The following SORCS1 variants were observed in gnomAD, a reference collection of about 807,000 sequenced individuals.
The protein encoded by SORCS1 is sortilin related VPS10 domain containing receptor 1, also known as VPS10 domain-containing receptor SorCS1.
Under a neutral mutation model 146.1 loss-of-function variants are expected in SORCS1, and 60 were observed. The observed-to-expected ratio is 0.41, with a 90% confidence interval of 0.33 to 0.51. The LOEUF (loss-of-function observed/expected upper bound fraction) is 0.51. Among genes scored for constraint, SORCS1 ranks in the 20% least tolerant of loss-of-function variants. SORCS1 has a pLI of 0.21. For missense variants in SORCS1, 1,352 were observed against 1,487.6 expected (o/e 0.91, Z 1.50); for synonymous variants, 637 against 584.0 (o/e 1.09, Z -1.31).
chr10:107,023,032 G>C (rs1958216160), intron 1 of SORCS1, among the ~76,000 whole-genome samples: 1 of 152,178 alleles, frequency 6.6e-6, no homozygotes. Flanking sequence ...GACGATAAGT[G>C]GTCAGTCCAA....
intron 19 of SORCS1, among the ~76,000 whole-genome samples, chr10:106,624,898 C>T (rs1457150213): frequency 6.6e-6 from 1 of 152,232 alleles, no homozygotes; most frequent in Non-Finnish European, 1.5e-5. Context: ...CTGTTAATCA[C>T]AGAGGGTGCA....
At chr10:106,976,666 G>T (rs962715540) in intron 1 of SORCS1, among the ~76,000 whole-genome samples, 3 of 152,114 alleles carry the variant, frequency 2.0e-5, no homozygotes, top group Admixed American at 6.6e-5. Context: ...CATGCATTAG[G>T]TATTTGTCCT....
At chr10:107,154,894 T>C (rs192794515) in intron 1 of SORCS1, among the ~76,000 whole-genome samples, 110 of 152,300 alleles carry the variant, frequency 7.2e-4, no homozygotes, top group Non-Finnish European at 1.2e-3. Flanking sequence ...CAAGCCACCA[T>C]ATAAGAAATA....
intron 10 of SORCS1, among the ~76,000 whole-genome samples, chr10:106,684,112 G>A (rs1852640108): frequency 6.6e-6 from 1 of 152,146 alleles, no homozygotes; most frequent in South Asian, 2.1e-4. Context: ...AAGGTAGGTG[G>A]ATCATGAGGT....
rs536817518 is a variant in SORCS1, at chr10:106,943,813, A to AAATT, written c.626+12696_626+12699dup. Reference sequence around the variant, plus strand: ...CAACAGAGTGAGACTCCATCTCAAAAAATTAATTAATTAATTAATTGTCTC... The same window carrying AAATT: ...CAACAGAGTGAGACTCCATCTCAAAAAATTAATTAATTAATTAATTAATTGTCTC... On this transcript the variant is annotated intron_variant, in intron 2 of 25. Transcript: ENST00000263054. 1.0e-3 allele frequency among the ~76,000 whole-genome samples: 157 copies of AAATT among 152,126 alleles called. 1 individual carries two copies. Among genetic ancestry groups the AAATT allele is most frequent in the South Asian group, 3.1e-3 (15 of 4,808 alleles).
At chr10:106,614,353 C>T (rs1318522304) in intron 21 of SORCS1, among the ~76,000 whole-genome samples, 1 of 152,176 alleles carries the variant, frequency 6.6e-6, no homozygotes, top group Non-Finnish European at 1.5e-5. Context: ...TTCACTTGTA[C>T]ATTTCCTAAC....
At chr10:106,673,693 G>C (rs1158789091) in intron 14 of SORCS1, among the ~76,000 whole-genome samples, 1 of 152,088 alleles carries the variant, frequency 6.6e-6, no homozygotes, top group Non-Finnish European at 1.5e-5. Flanking sequence ...AGTTCCCATG[G>C]TTTCCATGCT....
intron 2 of SORCS1, among the ~76,000 whole-genome samples, chr10:106,930,288 A>G (rs1248283338): frequency 4.6e-5 from 7 of 152,108 alleles, no homozygotes; most frequent in Non-Finnish European, 1.0e-4. Flanking sequence ...TCTCTAAAAA[A>G]AAAAAACAAA....
intron 1 of SORCS1, among the ~76,000 whole-genome samples, chr10:107,046,094 G>A (rs1185664797): frequency 2.0e-5 from 3 of 151,964 alleles, no homozygotes; most frequent in East Asian, 1.9e-4. Context: ...CTACAGGCAC[G>A]TGCCACCACG....
rs1299118633 is a variant in SORCS1 at position 107,010,532 on chromosome 10, C to CA, written c.559-53953dup. ...CCTGCATCGGTGAACATCCATCACT[C>CA]AGTTCATCTCCCCTGCAGATGTGTT... On this transcript the variant is annotated intron_variant, in intron 1 of 25. Transcript: ENST00000263054. Among the ~76,000 whole-genome samples the CA allele has an allele frequency of 3.3e-5, 5 of 152,164 alleles. 1 individual carries two copies. Among genetic ancestry groups the CA allele is most frequent in the Admixed American group, 2.0e-4 (3 of 15,280 alleles).
Position 106,904,905 on chromosome 10 carries a change from C to T in SORCS1, c.626+51608G>A, listed in dbSNP as rs76919795. Reference sequence around the variant, plus strand: ...AACAATGTTAGAAATCAAAAATGCCCTACAAAAACTATTGAAAGAGGAAAT... The same window carrying T: ...AACAATGTTAGAAATCAAAAATGCCTTACAAAAACTATTGAAAGAGGAAAT... On this transcript the variant is annotated intron_variant, in intron 2 of 25. Coordinates refer to ENST00000263054, the MANE Select transcript of SORCS1 (RefSeq NM_052918.5). Among the ~76,000 whole-genome samples, 322 of 152,128 alleles carry T rather than the reference C, an allele frequency of 2.1e-3. 3 individuals are homozygous for T. Among genetic ancestry groups the T allele is most frequent in the African/African-American group, 6.8e-3 (281 of 41,504 alleles).
intron 3 of SORCS1, among the ~76,000 whole-genome samples, chr10:106,799,677 T>C (rs987640482): frequency 3.3e-5 from 5 of 152,064 alleles, no homozygotes; most frequent in African/African-American, 1.2e-4. Context: ...AAAACCACAA[T>C]GAGTAACCGT....
At chr10:106,625,083 G>T (rs920303151) in intron 19 of SORCS1, among the ~76,000 whole-genome samples, 12 of 152,208 alleles carry the variant, frequency 7.9e-5, no homozygotes, top group African/African-American at 2.9e-4. Context: ...TTCCTGGAAA[G>T]GTGGTTGAGA....
intron 5 of SORCS1, among the ~76,000 whole-genome samples, chr10:106,742,393 T>C (rs571284115): frequency 6.6e-6 from 1 of 152,304 alleles, no homozygotes; most frequent in East Asian, 1.9e-4. Context: ...CACAATTTTT[T>C]TTTTGAGATG....
At chr10:106,706,503 TGA>T (rs1167879472) in intron 8 of SORCS1, 40 bp downstream of exon 8, 2 of 1,585,136 alleles carry the variant, frequency 1.3e-6, no homozygotes, top group Admixed American at 1.7e-5. Context: ...CTTCTGTGAA[TGA>T]GAGTCAAGAG....
At chr10:107,045,275 G>T (rs1373249381) in intron 1 of SORCS1, among the ~76,000 whole-genome samples, 2 of 152,106 alleles carry the variant, frequency 1.3e-5, no homozygotes, top group South Asian at 2.1e-4. Context: ...CATTATAAGG[G>T]TCCTAAGAAG....
intron 3 of SORCS1, among the ~76,000 whole-genome samples, chr10:106,818,463 T>G (rs1947852858): frequency 6.6e-6 from 1 of 151,966 alleles, no homozygotes; most frequent in Admixed American, 6.6e-5. Flanking sequence ...CCTCCCAGGT[T>G]CAAGTGATCC....
intron 18 of SORCS1, among the ~76,000 whole-genome samples, chr10:106,638,478 A>G (rs958169235): frequency 6.6e-6 from 1 of 152,224 alleles, no homozygotes; most frequent in Non-Finnish European, 1.5e-5. Context: ...ACCCATAATT[A>G]TATCACCCAC....
chr10:106,702,767 C>T (rs763453781), intron 8 of SORCS1, among the ~76,000 whole-genome samples: 5 of 152,100 alleles, frequency 3.3e-5, no homozygotes, highest in Admixed American at 2.0e-4. Flanking sequence ...GGGAGAAATG[C>T]GCTTTTTCTC....
Sources: gnomAD v4.1 joint callset for allele counts (sites outside exome capture counted in the v4.1 genomes callset) on GRCh38, gnomAD v4.1.1 for gene constraint, MANE v1.5 for transcripts, NCBI Gene and HGNC (gene_info 2026-07-23, HGNC 2026-07-21) for gene names.